The following SEMA4F variants were observed in gnomAD, a reference collection of about 807,000 sequenced individuals.
SEMA4F encodes semaphorin-4F.
A neutral mutation model predicts 78.4 loss-of-function variants in SEMA4F; 51 were observed. The observed-to-expected ratio is 0.65, with a 90% CI of 0.52 to 0.82. The LOEUF is 0.82. SEMA4F is among the 40% of genes least tolerant of loss of function. The pLI, the probability that SEMA4F is intolerant of heterozygous loss-of-function variation, is 0.00. For synonymous variants in SEMA4F, 418 were observed against 408.7 expected, an observed-to-expected ratio of 1.02 and a Z score of -0.27; for missense variants, 938 against 1,014.4, an observed-to-expected ratio of 0.92 and a Z score of 1.02.
At chr2:74,674,785 C>T (rs1347994683) in intron 8 of SEMA4F, 103 bp from the exon 9 acceptor site, 65 of 1,549,168 alleles carry the variant, frequency 4.2e-5, no homozygotes, top group Non-Finnish European at 5.3e-5. Flanking sequence ...CCTTTGGCTG[C>T]ATGGCTCCCT....
the SEMA4F span, among the ~76,000 whole-genome samples, chr2:74,705,746 G>A: frequency 6.6e-6 from 1 of 151,884 alleles, no homozygotes; most frequent in Non-Finnish European, 1.5e-5. Flanking sequence ...AATTTTTTTT[G>A]TAGAGATGGG....
chr2:74,705,758 T>C, the SEMA4F span, among the ~76,000 whole-genome samples: 3 of 152,124 alleles, frequency 2.0e-5, no homozygotes, highest in Non-Finnish European at 4.4e-5. Context: ...AGAGATGGGA[T>C]CTTGCTATTA....
chr2:74,706,656 T>C, the SEMA4F span, among the ~76,000 whole-genome samples: 3 of 152,344 alleles, frequency 2.0e-5, no homozygotes, highest in South Asian at 6.2e-4. Context: ...CAGGCAGTAC[T>C]GGACAAGGTT....
the SEMA4F span, among the ~76,000 whole-genome samples, chr2:74,694,223 G>A: frequency 2.6e-5 from 4 of 151,992 alleles, no homozygotes; most frequent in East Asian, 1.9e-4. Context: ...TTCTCATAGC[G>A]ATTCACATCC....
chr2:74,690,270 A>G, the SEMA4F span, among the ~76,000 whole-genome samples: 1 of 152,210 alleles, frequency 6.6e-6, no homozygotes, highest in Non-Finnish European at 1.5e-5. Flanking sequence ...TAGATAATGT[A>G]TTTCCACTGT....
the SEMA4F span, among the ~76,000 whole-genome samples, chr2:74,695,552 G>T: frequency 6.6e-6 from 1 of 152,116 alleles, no homozygotes; most frequent in Non-Finnish European, 1.5e-5. Flanking sequence ...CCAAATCAAT[G>T]AATAAAACAA....
rs1685167594 is a variant in SEMA4F, at chr2:74,674,680, A to C, written c.1001+4A>C. 6.2e-7 allele frequency: 1 copy of C among 1,613,058 alleles called. No homozygotes were observed. The highest frequency in any genetic ancestry group is 1.3e-5 in the African/African-American group (1 of 74,684). ...ATGGCATCTTTTCTTCCCAGTGGTG[A>C]GGGGTCTTGGTGTGGAGGAGAGTTA... On this transcript the variant is annotated splice_donor_region_variant and intron_variant, in intron 8 of 13. Transcript: ENST00000357877.
rs766127173 is a variant in SEMA4F at position 74,674,691 on chromosome 2, T to A, written c.1001+15T>A. The stretch of plus-strand genomic sequence containing the variant: ...TCTTCCCAGTGGTGAGGGGTCTTGG[T>A]GTGGAGGAGAGTTACAGGGTGGGAG... On this transcript the variant is annotated intron_variant, in intron 8 of 13. Coordinates refer to ENST00000357877, the MANE Select transcript of SEMA4F (RefSeq NM_004263.5). 1.2e-6 allele frequency: 2 copies of A among 1,612,558 alleles called. No homozygotes were observed. The highest frequency in any genetic ancestry group is 8.5e-7 in the Non-Finnish European group (1 of 1,179,298).
At chr2:74,698,841 G>A in the SEMA4F span, among the ~76,000 whole-genome samples, 1 of 152,178 alleles carries the variant, frequency 6.6e-6, no homozygotes, top group African/African-American at 2.4e-5. Flanking sequence ...GAGGGTCAGG[G>A]CCCCCAACAG....
downstream of SEMA4F, among the ~76,000 whole-genome samples, chr2:74,687,487 CT>C (rs1685846950): frequency 6.6e-6 from 1 of 152,172 alleles, no homozygotes; most frequent in Non-Finnish European, 1.5e-5. Context: ...TTTTTGTTCA[CT>C]GTTGTATCCC....
In SEMA4F at chr2:74,680,957, AAAT is replaced by A. The variant is rs1459141568; in HGVS notation, c.*749_*751del. 6.6e-6 allele frequency: 1 copy of A among 152,542 alleles called. No homozygotes were observed. The allele number at this position is 152,542 out of a possible 1,614,324, so 9.4% of individuals were successfully genotyped here. On this transcript the variant is annotated 3_prime_UTR_variant, in exon 14 of 14. Transcript: ENST00000357877. ...CCCCATTGCCCCACAACCTTACTCT[AAAT>A]TTGAGTAGAGAAAAGCTCCTAAAGT... is the stretch of plus-strand genomic sequence containing the variant.
intron 8 of SEMA4F, 62 bp downstream of exon 8, chr2:74,674,738 T>A: frequency 6.3e-7 from 1 of 1,583,774 alleles, no homozygotes; most frequent in East Asian, 2.2e-5. Context: ...TGGCACAATG[T>A]CAGTGTTGTC....
intron 12 of SEMA4F, 39 bp from the exon 13 acceptor site, chr2:74,679,237 T>C (rs766313490): frequency 1.1e-4 from 164 of 1,481,442 alleles, no homozygotes; most frequent in Non-Finnish European, 1.5e-4. Flanking sequence ...TTGAAGGGAA[T>C]GTTCACACTG....
the SEMA4F span, among the ~76,000 whole-genome samples, chr2:74,703,993 G>A: frequency 1.3e-5 from 2 of 152,136 alleles, no homozygotes; most frequent in African/African-American, 4.8e-5. Context: ...CTTGAGAAGA[G>A]TGAGTTCCTA....
Position 74,681,388 on chromosome 2 carries a change from A to G in SEMA4F, c.*1179A>G, listed in dbSNP as rs969883272. 6.6e-6 allele frequency: 1 copy of G among 152,660 alleles called. No homozygotes were observed. The highest frequency in any genetic ancestry group is 1.5e-5 in the Non-Finnish European group (1 of 68,088). 9.5% of individuals were successfully genotyped at this position (152,660 alleles called of 1,614,324 possible). On this transcript the variant is annotated 3_prime_UTR_variant, in exon 14 of 14. Coordinates refer to ENST00000357877, the MANE Select transcript of SEMA4F (RefSeq NM_004263.5). ...TTCAAGGCCTTAACAAAGTTAAAGG[A>G]CCACTGCCCTGAGGTTACTGCACTG...
chr2:74,665,875 G>A (rs363633), intron 5 of SEMA4F, among the ~76,000 whole-genome samples: 3,672 of 148,730 alleles, frequency 0.025, 130 homozygotes, highest in African/African-American at 0.075. Flanking sequence ...ATCATTTATC[G>A]TACTTTTGTT....
chr2:74,681,697 T>G lies in SEMA4F; in HGVS notation c.*1488T>G, dbSNP rs1357487605. 1.3e-5 allele frequency: 2 copies of G among 153,124 alleles called. No individual in the cohort carries two copies. Among genetic ancestry groups the G allele is most frequent in the Admixed American group, 6.5e-5 (1 of 15,280 alleles). The allele number at this position is 153,124 out of a possible 1,614,324, so 9.5% of individuals were successfully genotyped here. A position where few individuals can be genotyped will look rare whatever the true frequency, so the allele number is the denominator to read the frequency against. ...ACCAAACGTCAAGACCTCTTCCTGC[T>G]TGACCACTCGCACATGGCTCTAGGC... is the stretch of plus-strand genomic sequence containing the variant. On this transcript the variant is annotated 3_prime_UTR_variant, in exon 14 of 14. Transcript: ENST00000357877.
In SEMA4F at chr2:74,675,834, T is replaced by C; in HGVS notation, c.1568T>C (p.Ile523Thr). ...CGTCTCCAGAGCTGCTCAGAGTGCATCCTGGCCCAGGACCCAGTCTGTGCC... is the reference window on the plus strand; with the variant it reads ...CGTCTCCAGAGCTGCTCAGAGTGCACCCTGGCCCAGGACCCAGTCTGTGCC... ...CGRLQSCSEC[I>T]LAQDPVCAWS... Residue 523 changes from isoleucine (I) to threonine (T), a missense_variant, in exon 12 of 14, where the codon ATC (isoleucine) becomes ACC (threonine). Ile to Thr is a moderately conservative substitution (Grantham distance 89). Coordinates refer to ENST00000357877, the MANE Select transcript of SEMA4F (RefSeq NM_004263.5). The C allele has an allele frequency of 6.2e-7, 1 of 1,614,230 alleles. No homozygotes were observed. Among genetic ancestry groups the C allele is most frequent in the Non-Finnish European group, 8.5e-7 (1 of 1,180,036 alleles).
the SEMA4F span, among the ~76,000 whole-genome samples, chr2:74,690,922 A>T: frequency 6.6e-6 from 1 of 152,134 alleles, no homozygotes; most frequent in Admixed American, 6.5e-5. Flanking sequence ...TGTAATTTAG[A>T]TCCATGATCC....
Sources: allele counts gnomAD v4.1 joint callset (sites outside exome capture counted in the v4.1 genomes callset), GRCh38; gene constraint gnomAD v4.1.1; transcripts MANE v1.5; gene names NCBI Gene and HGNC (gene_info 2026-07-23, HGNC 2026-07-21).